TAF4B: variants seen among roughly 807,000 people sequenced by gnomAD.
TAF4B encodes the protein transcription initiation factor TFIID subunit 4B.
A neutral mutation model predicts 86.4 loss-of-function variants in TAF4B; 38 were observed. That is an observed-to-expected ratio of 0.44 (90% CI 0.34 to 0.58). The LOEUF (loss-of-function observed/expected upper bound fraction) is 0.58. TAF4B is among the 20% of genes least tolerant of loss of function. The probability of loss-of-function intolerance (pLI) is 0.02; values close to 1 mark genes in which losing one functional copy is unlikely to be tolerated. For missense variants in TAF4B, 988 were observed against 1,027.6 expected, an observed-to-expected ratio of 0.96 and a Z score of 0.53; for synonymous variants, 388 against 391.2, an observed-to-expected ratio of 0.99 and a Z score of 0.10.
rs776977422 is a variant in TAF4B at position 26,227,068 on chromosome 18, G to A, written c.135G>A (p.Val45=). The A allele has an allele frequency of 6.9e-6, 11 of 1,601,024 alleles. No homozygotes were observed. The highest frequency in any genetic ancestry group is 1.7e-5 in the Admixed American group (1 of 58,638). ...GCACTCCGGTGGCCCTGGGCGCCGT[G>A]ACTAAGGCTCCTGTCAGCGTCTGCG... is the stretch of plus-strand genomic sequence containing the variant. ...VESTPVALGA[V]TKAPVSVCVE... Residue 45 remains valine, a synonymous_variant, in exon 1 of 15, where the codon GTG becomes GTA. Coordinates refer to ENST00000269142, the MANE Select transcript of TAF4B (RefSeq NM_005640.3).
At chr18:26,368,703 A>G (rs564801022) in intron 14 of TAF4B, among the ~76,000 whole-genome samples, 1 of 152,158 alleles carries the variant, frequency 6.6e-6, no homozygotes, top group East Asian at 1.9e-4. Flanking sequence ...AGCTCCTTAT[A>G]TTTTAAGATT....
At chr18:26,245,744 A>G (rs894954419) in intron 1 of TAF4B, among the ~76,000 whole-genome samples, 1 of 152,232 alleles carries the variant, frequency 6.6e-6, no homozygotes, top group Non-Finnish European at 1.5e-5. Flanking sequence ...CTTGTAAGAC[A>G]GAAAAGTTCT....
At chr18:26,244,982 G>A (rs8093966) in intron 1 of TAF4B, among the ~76,000 whole-genome samples, 2 of 152,096 alleles carry the variant, frequency 1.3e-5, no homozygotes, top group East Asian at 1.9e-4. Context: ...CCTCTCTGTC[G>A]ACCCTTGGCT....
chr18:26,253,940 T>C (rs2056043682), intron 1 of TAF4B, among the ~76,000 whole-genome samples: 1 of 137,244 alleles, frequency 7.3e-6, no homozygotes. Context: ...TAATTTATTT[T>C]TTTGAGATGG....
chr18:26,324,254 T>G (rs1487631854), intron 11 of TAF4B, among the ~76,000 whole-genome samples: 3 of 152,220 alleles, frequency 2.0e-5, no homozygotes, highest in African/African-American at 7.2e-5. Context: ...TCTGCCTTAA[T>G]CACACTGTTG....
chr18:26,312,686 G>A (rs2144659850), intron 9 of TAF4B, among the ~76,000 whole-genome samples: 1 of 152,268 alleles, frequency 6.6e-6, no homozygotes, highest in South Asian at 2.1e-4. Context: ...GACCTTGCTA[G>A]AGAAGCAAGG....
intron 1 of TAF4B, among the ~76,000 whole-genome samples, chr18:26,242,904 T>G (rs912618334): frequency 2.0e-5 from 3 of 152,248 alleles, no homozygotes; most frequent in Non-Finnish European, 4.4e-5. Context: ...GAATGTTGAA[T>G]ATTGGCCCCC....
At chr18:26,262,336 T>G (rs1031339837) in intron 1 of TAF4B, among the ~76,000 whole-genome samples, 4 of 152,110 alleles carry the variant, frequency 2.6e-5, no homozygotes, top group Admixed American at 2.0e-4. Flanking sequence ...GAATGGAATT[T>G]CTGTCATGTT....
rs113913856 is a variant in TAF4B at position 26,226,624 on chromosome 18, C to G, written c.-310C>G. 5 of 264,504 alleles carry G rather than the reference C, an allele frequency of 1.9e-5. No homozygotes were observed. Among genetic ancestry groups the G allele is most frequent in the South Asian group, 3.3e-4 (2 of 5,982 alleles). The allele number at this position is 264,504 out of a possible 1,614,324, so 16.4% of individuals were successfully genotyped here. ...GCCGCAAGTCCAGGCTCCCCCGCAGCGGGACCCGAGCCTGAGGCGCAGGGC... is the reference window on the plus strand; with the variant it reads ...GCCGCAAGTCCAGGCTCCCCCGCAGGGGGACCCGAGCCTGAGGCGCAGGGC... On this transcript the variant is annotated 5_prime_UTR_variant, in exon 1 of 15. Transcript: ENST00000269142.
intron 9 of TAF4B, among the ~76,000 whole-genome samples, chr18:26,300,279 A>G (rs912049344): frequency 6.6e-6 from 1 of 151,010 alleles, no homozygotes; most frequent in African/African-American, 2.4e-5. Context: ...ATGAGCCACT[A>G]TGCCTGGCTT....
intron 2 of TAF4B, among the ~76,000 whole-genome samples, chr18:26,265,654 C>T (rs1056540651): frequency 1.3e-5 from 2 of 152,082 alleles, no homozygotes; most frequent in African/African-American, 4.8e-5. Context: ...CTCAAGCTCC[C>T]GAGCTCAGAT....
rs528197774 is a variant in TAF4B, at chr18:26,350,229, T to C, written c.2317-7461T>C. Among the ~76,000 whole-genome samples, 179 of 152,222 alleles carry C rather than the reference T, an allele frequency of 1.2e-3. 1 individual carries two copies. Among genetic ancestry groups the C allele is most frequent in the Non-Finnish European group, 2.1e-3 (140 of 68,010 alleles). On this transcript the variant is annotated intron_variant, in intron 13 of 14. Coordinates refer to ENST00000269142, the MANE Select transcript of TAF4B (RefSeq NM_005640.3). ...TGGGATTATATTAAATGAAAAACTT[T>C]TGCATAGCAAAGGAAACAATCCACA...
At chr18:26,352,207 C>T (rs925757166) in intron 13 of TAF4B, among the ~76,000 whole-genome samples, 2 of 151,588 alleles carry the variant, frequency 1.3e-5, no homozygotes, top group African/African-American at 4.8e-5. Flanking sequence ...TCAAATATAC[C>T]ATTTCAAAGA....
intron 13 of TAF4B, among the ~76,000 whole-genome samples, chr18:26,339,160 T>C (rs973652729): frequency 6.6e-6 from 1 of 152,218 alleles, no homozygotes; most frequent in African/African-American, 2.4e-5. Context: ...GAAAAAACAT[T>C]ATAAGCGTCC....
Position 26,281,956 on chromosome 18 carries a change from T to G in TAF4B, c.883-15T>G. On this transcript the variant is annotated splice_polypyrimidine_tract_variant and intron_variant, in intron 5 of 14. Coordinates refer to ENST00000269142, the MANE Select transcript of TAF4B (RefSeq NM_005640.3). ...TTGTAGACTTAAAATTGTTTCTATT[T>G]CTCCCATCCCTCAGGATGCAAAAAT... 6.3e-7 allele frequency: 1 copy of G among 1,589,398 alleles called. No individual in the cohort carries two copies. Among genetic ancestry groups the G allele is most frequent in the Non-Finnish European group, 8.6e-7 (1 of 1,160,090 alleles).
intron 5 of TAF4B, among the ~76,000 whole-genome samples, chr18:26,276,747 G>A (rs117064057): frequency 7.2e-4 from 110 of 152,194 alleles, no homozygotes; most frequent in Non-Finnish European, 1.3e-3. Context: ...CCCTTTTCAA[G>A]GTATGCTAGT....
Position 26,227,291 on chromosome 18 carries a change from C to T in TAF4B, c.343+15C>T. On this transcript the variant is annotated intron_variant, in intron 1 of 14. Transcript: ENST00000269142. ...GCTTCCTCCAGGTATGTTGATAACC[C>T]TTTCCAGCCTTGTCTGTCGGTCCAG... The T allele has an allele frequency of 1.9e-6, 3 of 1,603,338 alleles. No individual in the cohort carries two copies. Among genetic ancestry groups the T allele is most frequent in the Non-Finnish European group, 2.6e-6 (3 of 1,175,520 alleles).
intron 13 of TAF4B, among the ~76,000 whole-genome samples, chr18:26,348,072 A>G (rs2144720460): frequency 6.6e-6 from 1 of 152,356 alleles, no homozygotes; most frequent in African/African-American, 2.4e-5. Context: ...AACTGGACCT[A>G]GCAGGCATTT....
intron 1 of TAF4B, among the ~76,000 whole-genome samples, chr18:26,229,773 G>C (rs893363248): frequency 2.6e-5 from 4 of 152,136 alleles, no homozygotes; most frequent in African/African-American, 4.8e-5. Context: ...AGAGTGCTGG[G>C]ATTACAGGCG....
Sources: allele counts gnomAD v4.1 joint callset (sites outside exome capture counted in the v4.1 genomes callset), GRCh38; gene constraint gnomAD v4.1.1; transcripts MANE v1.5; gene names NCBI Gene and HGNC (gene_info 2026-07-23, HGNC 2026-07-21).